The following DSG2 variants were observed in gnomAD, a reference collection of about 807,000 sequenced individuals.
DSG2 encodes the protein desmoglein 2, also known as desmoglein-2.
In DSG2, 45 loss-of-function variants were observed where a neutral mutation model predicts 75.6. The ratio of observed to expected loss-of-function variants is 0.60; its 90% confidence interval spans 0.47 to 0.76. The LOEUF (loss-of-function observed/expected upper bound fraction) is 0.76, where lower values mean the gene tolerates loss of function less well. Ranked by LOEUF, DSG2 falls within the 30% of genes least tolerant of loss-of-function variation. The pLI is 0.00. For missense variants in DSG2, 1,267 were observed against 1,357.4 expected, an observed-to-expected ratio of 0.93 and a Z score of 1.05; for synonymous variants, 429 against 483.9, an observed-to-expected ratio of 0.89 and a Z score of 1.49.
chr18:31,546,588 T>G lies in DSG2; in HGVS notation c.3202T>G (p.Ser1068Ala). ...CAGTTACCAGATTCCCACTGAAAAT[T>G]CTATGACGGCTAGGAACACCACGGT... ...QSSYQIPTENSMTARNTTVSG... is the reference protein window; with the variant it reads ...QSSYQIPTENAMTARNTTVSG... The change falls in exon 15 of 15, where the codon TCT (serine) becomes GCT (alanine). Residue 1068 changes from serine (S) to alanine (A), a missense_variant. By Grantham distance (99) the Ser-to-Ala change is moderately conservative. Transcript: ENST00000261590. The G allele has an allele frequency of 1.2e-6, 2 of 1,614,178 alleles. No homozygotes were observed. Among genetic ancestry groups the G allele is most frequent in the Non-Finnish European group, 1.7e-6 (2 of 1,180,020 alleles).
rs372335085 is a variant in DSG2 at position 31,546,096 on chromosome 18, C to G, written c.2710C>G (p.Gln904Glu). ...LQEANAEKVT[Q>E]EIVTERSVSS... The stretch of plus-strand genomic sequence containing the variant: ...AGAAGCCAATGCAGAGAAAGTAACT[C>G]AGGAAATAGTCACTGAAAGATCTGT... The change falls in exon 15 of 15, where the codon CAG (glutamine) becomes GAG (glutamate). Residue 904 changes from glutamine to glutamate, a missense_variant. Transcript: ENST00000261590. 4.3e-6 allele frequency: 7 copies of G among 1,614,028 alleles called. No homozygotes were observed. Among genetic ancestry groups the G allele is most frequent in the Non-Finnish European group, 5.9e-6 (7 of 1,180,038 alleles).
At chr18:31,523,529 C>T (rs2073142262) in intron 6 of DSG2, among the ~76,000 whole-genome samples, 1 of 152,182 alleles carries the variant, frequency 6.6e-6, no homozygotes, top group Non-Finnish European at 1.5e-5. Context: ...TACCTTTTCA[C>T]ATAAAACTAG....
chr18:31,544,694 A>C (rs2073293028), intron 14 of DSG2, among the ~76,000 whole-genome samples: 1 of 152,348 alleles, frequency 6.6e-6, no homozygotes, highest in South Asian at 2.1e-4. Flanking sequence ...ATATTAAGAG[A>C]TTAAGCACAA....
intron 8 of DSG2, among the ~76,000 whole-genome samples, chr18:31,526,707 GTGCCACA>G (rs1229534154): frequency 6.6e-6 from 1 of 152,140 alleles, no homozygotes; most frequent in Admixed American, 6.5e-5. Context: ...GAATTGTCAT[GTGCCACA>G]TACGAACGTT....
In DSG2 at chr18:31,522,063, A is replaced by G. The variant is rs767904991; in HGVS notation, c.524-20A>G. ...CTTAAAGTTGAATTTCATCTTAGACATCTTTATTTCTAATGCCAGATACTC... is the reference window on the plus strand; with the variant it reads ...CTTAAAGTTGAATTTCATCTTAGACGTCTTTATTTCTAATGCCAGATACTC... On this transcript the variant is annotated intron_variant, in intron 5 of 14. Coordinates refer to ENST00000261590, the MANE Select transcript of DSG2 (RefSeq NM_001943.5). 6.2e-7 allele frequency: 1 copy of G among 1,611,106 alleles called. No homozygotes were observed. The highest frequency in any genetic ancestry group is 1.7e-5 in the Admixed American group (1 of 60,010).
intron 11 of DSG2, among the ~76,000 whole-genome samples, chr18:31,538,403 A>T (rs1309158575): frequency 6.6e-6 from 1 of 150,604 alleles, no homozygotes; most frequent in Non-Finnish European, 1.5e-5. Flanking sequence ...GTTTTTTTTT[A>T]AAGAAATGGT....
chr18:31,501,720 A>C (rs1346921356), intron 1 of DSG2, among the ~76,000 whole-genome samples: 1 of 152,190 alleles, frequency 6.6e-6, no homozygotes, highest in East Asian at 1.9e-4. Flanking sequence ...TTATAAGAAC[A>C]TCGGTTGTAC....
In DSG2 at chr18:31,536,161, T is replaced by C. The variant is rs187299168; in HGVS notation, c.1424-41T>C. On this transcript the variant is annotated intron_variant, in intron 10 of 14. Transcript: ENST00000261590. ...TTCAAACTATGTCTGTTGTCAGCAA[T>C]AGGAACAGAATGTACATACTTTTTC... The C allele has an allele frequency of 5.0e-6, 8 of 1,592,618 alleles. No individual in the cohort carries two copies. In the Admixed American group the frequency reaches 1.2e-4, roughly 23 times the overall value.
In DSG2 at chr18:31,546,720, A is replaced by T; in HGVS notation, c.3334A>T (p.Thr1112Ser). The change falls in exon 15 of 15, where the codon ACT becomes TCT. Residue 1112 changes from threonine to serine, a missense_variant. By Grantham distance (58) the Thr-to-Ser change is moderately conservative (BLOSUM62 1). Transcript: ENST00000261590. ...TSSTRVTKHS[T>S]VQHSYS ...TTCCACCAGAGTTACCAAGCATAGC[A>T]CTGTACAGCATTCTTACTCCTAAAC... The T allele has an allele frequency of 6.2e-7, 1 of 1,614,196 alleles. No homozygotes were observed.
intron 1 of DSG2, among the ~76,000 whole-genome samples, chr18:31,515,561 G>A (rs73416246): frequency 0.041 from 6,305 of 152,216 alleles, 471 homozygotes; most frequent in African/African-American, 0.14. Flanking sequence ...TTCATACCAT[G>A]CCACCTTTGA....
In DSG2 at chr18:31,538,869, TTG is replaced by T. The variant is rs397516703; in HGVS notation, c.1773_1774del (p.Cys591Ter). 9 of 1,614,004 alleles carry T rather than the reference TTG, an allele frequency of 5.6e-6. No individual in the cohort carries two copies. The highest frequency in any genetic ancestry group is 7.6e-6 in the Non-Finnish European group (9 of 1,179,902). On this transcript the variant is annotated frameshift_variant, in exon 12 of 15. Coordinates refer to ENST00000261590, the MANE Select transcript of DSG2 (RefSeq NM_001943.5). LOFTEE classifies it high-confidence loss of function. ...AAAAGCAGGTCCTTACACTCACAGT[TTG>T]TGAGTGTCTGCATGGCAGCGGCTGC... ...PEKQVLTLTV[C>X]ECLHGSGCRE...
chr18:31,544,587 T>TA (rs2073292220), intron 14 of DSG2, among the ~76,000 whole-genome samples: 1 of 151,908 alleles, frequency 6.6e-6, no homozygotes, highest in Non-Finnish European at 1.5e-5. Context: ...ATCAATGAAA[T>TA]ATTTAGCAAA....
chr18:31,516,232 TA>T (rs1267901468), intron 1 of DSG2, among the ~76,000 whole-genome samples: 1 of 151,920 alleles, frequency 6.6e-6, no homozygotes, highest in African/African-American at 2.4e-5. Flanking sequence ...AGAAGGAAGA[TA>T]AAAGGTTAGT....
Position 31,538,829 on chromosome 18 carries a change from G to A in DSG2, c.1730G>A (p.Gly577Asp). 6.2e-7 allele frequency: 1 copy of A among 1,614,168 alleles called. No homozygotes were observed. Among genetic ancestry groups the A allele is most frequent in the Non-Finnish European group, 8.5e-7 (1 of 1,180,030 alleles). ...CAGTTCCTGATTTCAGACAATCAGG[G>A]TTTTAGTTGTCCTGAAAAGCAGGTC... ...EIQFLISDNQGFSCPEKQVLT... is the reference protein window; with the variant it reads ...EIQFLISDNQDFSCPEKQVLT... The change falls in exon 12 of 15, where the codon GGT (glycine) becomes GAT (aspartate). Residue 577 changes from glycine (G) to aspartate (D), a missense_variant. Transcript: ENST00000261590.
At chr18:31,522,314 T>G in intron 6 of DSG2, 65 bp downstream of exon 6, 3 of 1,438,506 alleles carry the variant, frequency 2.1e-6, no homozygotes, top group Non-Finnish European at 2.8e-6. Context: ...TCCTCTCTTT[T>G]TCTTTTCTAA....
At position 31,536,347 on chromosome 18, in the gene DSG2, C is replaced by G; in HGVS notation, c.1569C>G (p.His523Gln). ...TTACTGCAGAGGACCTGGATGGACA[C>G]CCAAACAGTGGCCCTTTCAGTTTCT... ...VNVTAEDLDG[H>Q]PNSGPFSFSV... is the part of the protein sequence containing the mutation. Residue 523 changes from histidine (H) to glutamine (Q), a missense_variant, in exon 11 of 15, where the codon CAC becomes CAG. Physicochemically the swap from His to Gln is conservative, Grantham distance 24. Transcript: ENST00000261590. 1.2e-6 allele frequency: 2 copies of G among 1,614,160 alleles called. No individual in the cohort carries two copies. Among genetic ancestry groups the G allele is most frequent in the Non-Finnish European group, 1.7e-6 (2 of 1,180,038 alleles).
rs369868954 is a variant in DSG2, at chr18:31,545,746, A to G, written c.2360A>G (p.Asp787Gly). ...AAAGCGGCCTCTTACACTGAGGAAG[A>G]TGAAAATCACACAGCCAAAGATTGC... ...TDKAASYTEE[D>G]ENHTAKDCLL... The change falls in exon 15 of 15, where the codon GAT becomes GGT. Residue 787 changes from aspartate to glycine, a missense_variant. Coordinates refer to ENST00000261590, the MANE Select transcript of DSG2 (RefSeq NM_001943.5). The G allele has an allele frequency of 2.3e-5, 37 of 1,613,972 alleles. No homozygotes were observed. The African/African-American group carries it at 4.7e-4, about 20-fold the overall frequency.
chr18:31,505,322 A>C (rs919034632), intron 1 of DSG2, among the ~76,000 whole-genome samples: 1 of 152,164 alleles, frequency 6.6e-6, no homozygotes, highest in African/African-American at 2.4e-5. Flanking sequence ...GCCCATTGCT[A>C]TCTCCTTGCT....
In DSG2 at chr18:31,545,962, C is replaced by G. The variant is rs1445054250; in HGVS notation, c.2576C>G (p.Thr859Arg). ...ATTGAGCAGAGACAAAAACCTGCCACAGAAACAAGTATGAACACAGCTTCA... is the reference window on the plus strand; with the variant it reads ...ATTGAGCAGAGACAAAAACCTGCCAGAGAAACAAGTATGAACACAGCTTCA... ...KEIEQRQKPA[T>R]ETSMNTASHS... The change falls in exon 15 of 15, where the codon ACA (threonine) becomes AGA (arginine). Residue 859 changes from threonine to arginine, a missense_variant. By Grantham distance (71) the Thr-to-Arg change is moderately conservative (BLOSUM62 -1). Coordinates refer to ENST00000261590, the MANE Select transcript of DSG2 (RefSeq NM_001943.5). 6.2e-7 allele frequency: 1 copy of G among 1,614,154 alleles called. No individual in the cohort carries two copies. The highest frequency in any genetic ancestry group is 1.1e-5 in the South Asian group (1 of 91,084).
Sources: gnomAD v4.1 joint callset for allele counts (sites outside exome capture counted in the v4.1 genomes callset) on GRCh38, gnomAD v4.1.1 for gene constraint, MANE v1.5 for transcripts, NCBI Gene and HGNC (gene_info 2026-07-23, HGNC 2026-07-21) for gene names.